The following CHD5 variants were observed in gnomAD, a reference collection of about 807,000 sequenced individuals.
CHD5 encodes chromodomain helicase DNA binding protein 5.
CHD5 carries 69 observed loss-of-function variants against 230.3 expected under a neutral mutation model. The ratio of observed to expected loss-of-function variants is 0.30; its 90% confidence interval spans 0.25 to 0.37. The LOEUF (loss-of-function observed/expected upper bound fraction) is 0.37, where lower values mean the gene tolerates loss of function less well. CHD5 is among the 10% of genes least tolerant of loss of function. The pLI, the probability that CHD5 is intolerant of heterozygous loss-of-function variation, is 1.00. For missense variants in CHD5, 1,827 were observed against 2,622.8 expected, an observed-to-expected ratio of 0.70 and a Z score of 6.63; for synonymous variants, 1,064 against 1,065.9, an observed-to-expected ratio of 1.00 and a Z score of 0.03.
At position 6,125,942 on chromosome 1, in the gene CHD5, C is replaced by T. The variant is rs533703146; in HGVS notation, c.4079-84G>A. On this transcript the variant is annotated intron_variant, in intron 26 of 41. Coordinates refer to ENST00000262450, the MANE Select transcript of CHD5 (RefSeq NM_015557.3). This position sits in a 1 kb window ranked among gnomAD's most constrained non-coding sequence, Gnocchi z 6.7. ...AGTTCAAGCATGCCCAGGGCCACGC[C>T]GAGCCCCTGCACCCCAGCTCCATAA... 8.0e-5 allele frequency: 77 copies of T among 963,338 alleles called. No individual in the cohort carries two copies. In the African/African-American group the frequency reaches 1.1e-3, roughly 14 times the overall value. 59.7% of individuals were successfully genotyped at this position (963,338 alleles called of 1,614,324 possible).
At chr1:6,111,720 G>A (rs188283216) in intron 36 of CHD5, 55 bp downstream of exon 36, 82 of 1,408,294 alleles carry the variant, frequency 5.8e-5, no homozygotes, top group South Asian at 3.0e-4. Context: ...GGCTCTCCCC[G>A]AGGTCCACGG....
Position 6,135,210 on chromosome 1 carries a change from G to C in CHD5, c.2870+20C>G, listed in dbSNP as rs374720971. On this transcript the variant is annotated intron_variant, in intron 18 of 41. Transcript: ENST00000262450. Reference sequence around the variant, plus strand: ...GGAAAGGGCGAGCACAGGCTGCTCCGGGGTCAGCCCATCACTCACTTCTGC... The same window carrying C: ...GGAAAGGGCGAGCACAGGCTGCTCCCGGGTCAGCCCATCACTCACTTCTGC... 5.6e-6 allele frequency: 9 copies of C among 1,613,410 alleles called. No individual in the cohort carries two copies. In the South Asian group the frequency reaches 8.8e-5, roughly 16 times the overall value.
At chr1:6,127,877 T>G (rs993811179) in intron 25 of CHD5, among the ~76,000 whole-genome samples, 169 bp downstream of exon 25, 3 of 146,376 alleles carry the variant, frequency 2.0e-5, no homozygotes, top group African/African-American at 5.1e-5. Flanking sequence ...CACGCTGGAG[T>G]GCGGGGCACA....
At chr1:6,179,210 G>A (rs1387169354) in intron 1 of CHD5, among the ~76,000 whole-genome samples, 1 of 152,254 alleles carries the variant, frequency 6.6e-6, no homozygotes, top group Non-Finnish European at 1.5e-5. Context: ...CCGTAGCCAA[G>A]GCAGGGTGGG....
intron 36 of CHD5, among the ~76,000 whole-genome samples, 175 bp from the exon 37 acceptor site, chr1:6,110,701 A>G (rs747237374): frequency 6.6e-6 from 1 of 152,250 alleles, no homozygotes; most frequent in African/African-American, 2.4e-5. Context: ...CAACAGTGAC[A>G]GTATCAGCAG....
At chr1:6,106,550 C>T (rs1407143416) in intron 39 of CHD5, 41 bp from the exon 40 acceptor site, 1 of 1,550,154 alleles carries the variant, frequency 6.5e-7, no homozygotes, top group Non-Finnish European at 8.7e-7. Context: ...TCTCAGGCCC[C>T]CCACCCAGCC....
Position 6,134,583 on chromosome 1 carries a change from T to C in CHD5, c.3012+135A>G, listed in dbSNP as rs1372233314. 2 of 1,013,500 alleles carry C rather than the reference T, an allele frequency of 2.0e-6. No homozygotes were observed. The highest frequency in any genetic ancestry group is 3.0e-6 in the Non-Finnish European group (2 of 660,808). 62.8% of individuals were successfully genotyped at this position (1,013,500 alleles called of 1,614,324 possible). The stretch of plus-strand genomic sequence containing the variant: ...ACCTTCCATGATGGCCAGGGAAACC[T>C]ACCATGACAGCCACAGAAATCGCCA... On this transcript the variant is annotated intron_variant, in intron 19 of 41. Coordinates refer to ENST00000262450, the MANE Select transcript of CHD5 (RefSeq NM_015557.3). The surrounding 1 kb of genome is among the most constrained non-coding windows in gnomAD (Gnocchi z 6.3).
At position 6,144,065 on chromosome 1, in the gene CHD5, G is replaced by T; in HGVS notation, c.1893C>A (p.Ile631=). The T allele has an allele frequency of 1.2e-6, 2 of 1,614,160 alleles. No individual in the cohort carries two copies. The highest frequency in any genetic ancestry group is 1.1e-5 in the South Asian group (1 of 91,082). ...QCTWEIDDID[I]PYYDNLKQAY... ...CCTGCTTGAGGTTGTCGTAGTAGGG[G>T]ATGTCGATGTCATCGATCTCCCAGG... The change falls in exon 12 of 42, where the codon ATC becomes ATA. Residue 631 remains isoleucine (I), a synonymous_variant. Coordinates refer to ENST00000262450, the MANE Select transcript of CHD5 (RefSeq NM_015557.3).
intron 9 of CHD5, among the ~76,000 whole-genome samples, chr1:6,148,045 C>T (rs1666938518): frequency 6.6e-6 from 1 of 151,978 alleles, no homozygotes; most frequent in Non-Finnish European, 1.5e-5. Flanking sequence ...GCACAGAAGG[C>T]TGCACCCCTC....
At chr1:6,145,953 C>T (rs1666903512) in intron 11 of CHD5, among the ~76,000 whole-genome samples, 1 of 152,160 alleles carries the variant, frequency 6.6e-6, no homozygotes, top group Non-Finnish European at 1.5e-5. Flanking sequence ...GCATGAGGGT[C>T]CCGACGCCCC....
rs756743759 is a variant in CHD5, at chr1:6,146,833, G to A, written c.1422C>T (p.His474=). ...PLKGKVQRIL[H]WRWTEPPAPF... is the part of the protein sequence containing the mutation. The stretch of plus-strand genomic sequence containing the variant: ...GGGCAGGGGGCTCCGTCCACCTCCA[G>A]TGTAGAATCCGCTGGACTTTGCCCT... The change falls in exon 10 of 42, where the codon CAC becomes CAT. Residue 474 remains histidine (H), a synonymous_variant. Coordinates refer to ENST00000262450, the MANE Select transcript of CHD5 (RefSeq NM_015557.3). The surrounding 1 kb of genome is among the most constrained non-coding windows in gnomAD (Gnocchi z 5.1). The A allele has an allele frequency of 6.4e-6, 10 of 1,556,628 alleles. No individual in the cohort carries two copies. Among genetic ancestry groups the A allele is most frequent in the Non-Finnish European group, 8.7e-6 (10 of 1,150,486 alleles).
intron 25 of CHD5, 126 bp downstream of exon 25, chr1:6,127,920 G>T: frequency 1.2e-6 from 1 of 801,854 alleles, no homozygotes; most frequent in South Asian, 1.7e-5. Flanking sequence ...TGGAGGGCGG[G>T]GTCACAGCTT....
At chr1:6,153,281 A>G (rs376376143) in intron 5 of CHD5, among the ~76,000 whole-genome samples, 16 of 152,360 alleles carry the variant, frequency 1.1e-4, no homozygotes, top group African/African-American at 3.1e-4. Flanking sequence ...TCGATAGCTC[A>G]GCAGCTGGAG....
rs1173836127 is a variant in CHD5, at chr1:6,109,777, G to C, written c.5578+18C>G. 6.2e-7 allele frequency: 1 copy of C among 1,607,302 alleles called. No individual in the cohort carries two copies. Among genetic ancestry groups the C allele is most frequent in the Non-Finnish European group, 8.5e-7 (1 of 1,177,004 alleles). ...GGAAGGGCGGGGGGCTGCACCGTGGGGGGCAGGACTTGCTCACCCTTGTGC... is the reference window on the plus strand; with the variant it reads ...GGAAGGGCGGGGGGCTGCACCGTGGCGGGCAGGACTTGCTCACCCTTGTGC... On this transcript the variant is annotated intron_variant, in intron 38 of 41. Transcript: ENST00000262450.
At chr1:6,143,560 G>A (rs543207569) in intron 13 of CHD5, among the ~76,000 whole-genome samples, 149 of 152,314 alleles carry the variant, frequency 9.8e-4, no homozygotes, top group Admixed American at 3.5e-3. Flanking sequence ...AGGGCCAGGC[G>A]CTAGTGGACA....
intron 2 of CHD5, among the ~76,000 whole-genome samples, chr1:6,165,143 AATGAG>A: frequency 6.6e-6 from 1 of 152,230 alleles, no homozygotes; most frequent in South Asian, 2.1e-4. Flanking sequence ...TGGCCCTGGG[AATGAG>A]AGCGTCGGAG....
chr1:6,105,440 A>G lies in CHD5; in HGVS notation c.*47-13T>C, dbSNP rs867406991. 2.1e-6 allele frequency: 1 copy of G among 470,336 alleles called. No homozygotes were observed. The highest frequency in any genetic ancestry group is 4.4e-6 in the Non-Finnish European group (1 of 226,852). 29.1% of individuals were successfully genotyped at this position (470,336 alleles called of 1,614,324 possible). On this transcript the variant is annotated splice_polypyrimidine_tract_variant and intron_variant, in intron 41 of 41. Coordinates refer to ENST00000262450, the MANE Select transcript of CHD5 (RefSeq NM_015557.3). This position sits in a 1 kb window ranked among gnomAD's most constrained non-coding sequence, Gnocchi z 4.8. ...CCGGCAGGCGTGGCTGCAAAACGCAAATCAGTGGGTTAAGCAGGTGGGCAG... is the reference window on the plus strand; with the variant it reads ...CCGGCAGGCGTGGCTGCAAAACGCAGATCAGTGGGTTAAGCAGGTGGGCAG...
intron 7 of CHD5, among the ~76,000 whole-genome samples, chr1:6,149,654 GA>G (rs1012785537): frequency 6.6e-6 from 1 of 152,192 alleles, no homozygotes; most frequent in African/African-American, 2.4e-5. Flanking sequence ...AAGATGAATG[GA>G]TAAATGGATG....
intron 1 of CHD5, 32 bp downstream of exon 1, chr1:6,179,911 GCT>G: frequency 8.3e-7 from 1 of 1,205,994 alleles, no homozygotes; most frequent in Non-Finnish European, 1.1e-6. Flanking sequence ...CGCCCCCGCC[GCT>G]CTGGCCCCAG....
Sources: allele counts gnomAD v4.1 joint callset (sites outside exome capture counted in the v4.1 genomes callset), GRCh38; gene constraint gnomAD v4.1.1; non-coding constraint Gnocchi (gnomAD v3.1); transcripts MANE v1.5; gene names NCBI Gene and HGNC (gene_info 2026-07-23, HGNC 2026-07-21).